Variants in PALLD observed in about 807,000 individuals in gnomAD.
PALLD encodes the protein palladin, cytoskeletal associated protein.
In PALLD, 61 loss-of-function variants were observed where a neutral mutation model predicts 123.5. The observed-to-expected ratio is 0.49, with a 90% CI of 0.40 to 0.61. The LOEUF is 0.61. PALLD is among the 20% of genes least tolerant of loss of function. The probability of loss-of-function intolerance (pLI) is 0.00; values close to 1 mark genes in which losing one functional copy is unlikely to be tolerated. For synonymous variants in PALLD, 465 were observed against 496.4 expected (o/e 0.94, Z 0.84); for missense variants, 1,273 against 1,377.0 (o/e 0.92, Z 1.20).
chr4:168,685,917 G>A (rs1580961043), intron 6 of PALLD, among the ~76,000 whole-genome samples: 1 of 151,394 alleles, frequency 6.6e-6, no homozygotes, highest in East Asian at 1.9e-4. Context: ...CATTTGTCCT[G>A]AGTCCGGAAT....
At chr4:168,601,369 G>A (rs1043716340) in intron 2 of PALLD, among the ~76,000 whole-genome samples, 1 of 152,104 alleles carries the variant, frequency 6.6e-6, no homozygotes, top group Non-Finnish European at 1.5e-5. Context: ...CAATTTGTAT[G>A]TCATCAGAAA....
intron 10 of PALLD, among the ~76,000 whole-genome samples, chr4:168,888,360 C>T (rs1753663218): frequency 6.6e-6 from 1 of 152,072 alleles, no homozygotes; most frequent in South Asian, 2.1e-4. Flanking sequence ...AGATTCGATG[C>T]ACAGGGTTTA....
At chr4:168,875,254 T>G (rs1751590860) in intron 10 of PALLD, among the ~76,000 whole-genome samples, 1 of 152,052 alleles carries the variant, frequency 6.6e-6, no homozygotes, top group African/African-American at 2.4e-5. Context: ...GACAAATAAC[T>G]TCTAAGTAAT....
rs1244771038 is a variant in PALLD, at chr4:168,709,095, A to G, written c.1569A>G (p.Ala523=). The part of the protein sequence containing the change: ...PEDAGIFTCS[A]RNDYGSATST... ...ATGCAGGGATCTTTACATGTTCAGCAAGAAATGATTATGGATCAGCAACCA... is the reference window on the plus strand; with the variant it reads ...ATGCAGGGATCTTTACATGTTCAGCGAGAAATGATTATGGATCAGCAACCA... Residue 523 remains alanine, a synonymous_variant, in exon 9 of 22, where the codon GCA becomes GCG. Coordinates refer to ENST00000505667, the MANE Select transcript of PALLD (RefSeq NM_001166108.2). The G allele has an allele frequency of 2.5e-6, 4 of 1,613,770 alleles. No individual in the cohort carries two copies. The highest frequency in any genetic ancestry group is 3.4e-6 in the Non-Finnish European group (4 of 1,179,828).
intron 18 of PALLD, among the ~76,000 whole-genome samples, chr4:168,922,263 C>T (rs1761736085): frequency 6.6e-6 from 1 of 151,974 alleles, no homozygotes; most frequent in Non-Finnish European, 1.5e-5. Flanking sequence ...TACATGAAGT[C>T]TTATGCTTTG....
At chr4:168,780,675 T>C (rs1210783201) in intron 10 of PALLD, among the ~76,000 whole-genome samples, 1 of 152,096 alleles carries the variant, frequency 6.6e-6, no homozygotes, top group African/African-American at 2.4e-5. Flanking sequence ...ATGTGTAGTT[T>C]TGGTTTTTTT....
intron 10 of PALLD, among the ~76,000 whole-genome samples, chr4:168,743,685 A>T (rs533499010): frequency 1.4e-4 from 22 of 152,168 alleles, no homozygotes; most frequent in African/African-American, 4.8e-4. Context: ...GAGGTTGATG[A>T]CTGGGTCTTT....
intron 15 of PALLD, among the ~76,000 whole-genome samples, chr4:168,907,531 C>T (rs2151346337): frequency 6.6e-6 from 1 of 152,310 alleles, no homozygotes; most frequent in South Asian, 2.1e-4. Context: ...AGGACGGCCA[C>T]ACCCATAGCA....
chr4:168,603,592 G>A (rs1772887475), intron 2 of PALLD, among the ~76,000 whole-genome samples: 2 of 152,142 alleles, frequency 1.3e-5, no homozygotes, highest in Non-Finnish European at 2.9e-5. Context: ...ATGTTTTGTT[G>A]GGGATGTTTC....
intron 10 of PALLD, among the ~76,000 whole-genome samples, chr4:168,851,004 G>A (rs1036164707): frequency 6.6e-6 from 1 of 152,180 alleles, no homozygotes; most frequent in Admixed American, 6.5e-5. Context: ...TCTGGCCCAA[G>A]TGTGACTGAG....
intron 2 of PALLD, among the ~76,000 whole-genome samples, chr4:168,545,570 C>T (rs1241831404): frequency 1.3e-5 from 2 of 151,878 alleles, no homozygotes; most frequent in Admixed American, 6.6e-5. Flanking sequence ...CTATTGCTTC[C>T]TACAGCTAAT....
rs1056018255 is a variant in PALLD, at chr4:168,668,205, G to T, written c.924G>T (p.Gly308=). ...TGGCCTGCAGATGGTTCTGTGAAGG[G>T]AAAGAACTGCACAACACTCCTGATA... The part of the protein sequence containing the change: ...PTPRVRWFCE[G]KELHNTPDIQ... The change falls in exon 3 of 22, where the codon GGG becomes GGT. Residue 308 remains glycine, a synonymous_variant. Coordinates refer to ENST00000505667, the MANE Select transcript of PALLD (RefSeq NM_001166108.2). 6.2e-7 allele frequency: 1 copy of T among 1,613,916 alleles called. No individual in the cohort carries two copies. Among genetic ancestry groups the T allele is most frequent in the Non-Finnish European group, 8.5e-7 (1 of 1,179,920 alleles).
At chr4:168,667,981 CT>C (rs1779818183) in intron 2 of PALLD, among the ~76,000 whole-genome samples, 1 of 151,982 alleles carries the variant, frequency 6.6e-6, no homozygotes, top group African/African-American at 2.4e-5. Context: ...GTACAAGATG[CT>C]TTACAAAGAA....
chr4:168,868,000 G>A (rs981650925), intron 10 of PALLD, among the ~76,000 whole-genome samples: 3 of 151,242 alleles, frequency 2.0e-5, no homozygotes, highest in East Asian at 1.9e-4. Context: ...TTTTAACTGC[G>A]TCTCTCCCTT....
In PALLD at chr4:168,720,053, G is replaced by A. The variant is rs529655164; in HGVS notation, c.1964+8130G>A. On this transcript the variant is annotated intron_variant, in intron 10 of 21. Transcript: ENST00000505667. ...AACACCATTCATCCCCTCACTGTTA[G>A]TTGAACATCTGCAAAATGCTGGGTA... 7.2e-5 allele frequency among the ~76,000 whole-genome samples: 11 copies of A among 152,276 alleles called. No individual in the cohort carries two copies. The South Asian group carries it at 2.3e-3, about 32-fold the overall frequency.
At chr4:168,802,473 A>T (rs1739486423) in intron 10 of PALLD, among the ~76,000 whole-genome samples, 1 of 152,200 alleles carries the variant, frequency 6.6e-6, no homozygotes, top group South Asian at 2.1e-4. Flanking sequence ...TTAACACAAG[A>T]ATGGAAAATC....
chr4:168,859,007 C>T (rs1749039814), intron 10 of PALLD, among the ~76,000 whole-genome samples: 1 of 152,164 alleles, frequency 6.6e-6, no homozygotes, highest in Admixed American at 6.6e-5. Flanking sequence ...TGCATTAAGA[C>T]TTTTATTTAA....
intron 2 of PALLD, among the ~76,000 whole-genome samples, chr4:168,665,143 A>G (rs1181003376): frequency 1.3e-5 from 2 of 152,214 alleles, no homozygotes; most frequent in African/African-American, 2.4e-5. Context: ...GGATACAATC[A>G]TGTTTCTGAG....
intron 10 of PALLD, among the ~76,000 whole-genome samples, chr4:168,865,341 C>G (rs747492505): frequency 7.2e-5 from 11 of 152,224 alleles, no homozygotes; most frequent in Non-Finnish European, 1.6e-4. Flanking sequence ...CAAGAACTTT[C>G]TCCTTCTTCA....
Sources: gnomAD v4.1 joint callset for allele counts (sites outside exome capture counted in the v4.1 genomes callset) on GRCh38, gnomAD v4.1.1 for gene constraint, MANE v1.5 for transcripts, NCBI Gene and HGNC (gene_info 2026-07-23, HGNC 2026-07-21) for gene names.